SNAP29: variants seen among roughly 807,000 people sequenced by gnomAD.
SNAP29 encodes synaptosome associated protein 29, also known as synaptosomal-associated protein 29.
Under a neutral mutation model 27.9 loss-of-function variants are expected in SNAP29, and 13 were observed. The ratio of observed to expected loss-of-function variants is 0.47; its 90% confidence interval spans 0.30 to 0.74. The LOEUF (loss-of-function observed/expected upper bound fraction) is 0.74, where lower values mean the gene tolerates loss of function less well. Ranked by LOEUF, SNAP29 falls within the 30% of genes least tolerant of loss-of-function variation. The pLI is 0.06. For missense variants in SNAP29, 368 were observed against 336.5 expected, an observed-to-expected ratio of 1.09 and a Z score of -0.73; for synonymous variants, 119 against 127.1, an observed-to-expected ratio of 0.94 and a Z score of 0.43.
At chr22:20,870,144 G>A (rs915044573) in intron 1 of SNAP29, among the ~76,000 whole-genome samples, 193 bp from the exon 2 acceptor site, 2 of 152,102 alleles carry the variant, frequency 1.3e-5, no homozygotes, top group Non-Finnish European at 2.9e-5. Context: ...AGGAAAGCAA[G>A]TAGAGGTAGG....
chr22:20,862,245 C>T (rs1013548136), intron 1 of SNAP29, among the ~76,000 whole-genome samples: 2 of 152,148 alleles, frequency 1.3e-5, no homozygotes, highest in African/African-American at 2.4e-5. Flanking sequence ...ATTCAACTAA[C>T]AACTATTTAA....
chr22:20,885,370 A>G (rs954076957), intron 4 of SNAP29, among the ~76,000 whole-genome samples: 4 of 152,082 alleles, frequency 2.6e-5, no homozygotes, highest in African/African-American at 9.7e-5. Flanking sequence ...GTGTCTGTGC[A>G]CGGGTTTTCT....
At chr22:20,872,717 G>A (rs1156997664) in intron 2 of SNAP29, among the ~76,000 whole-genome samples, 1 of 147,946 alleles carries the variant, frequency 6.8e-6, no homozygotes, top group Non-Finnish European at 1.5e-5. Flanking sequence ...TGTATTTTTA[G>A]TAGAGATGGG....
chr22:20,878,728 G>A (rs559765387), intron 2 of SNAP29, among the ~76,000 whole-genome samples: 19 of 152,316 alleles, frequency 1.2e-4, no homozygotes, highest in African/African-American at 4.6e-4. Context: ...TTCCCAGATT[G>A]GCTGGCGAAG....
chr22:20,871,030 G>T, intron 2 of SNAP29: 1 of 213,248 alleles, frequency 4.7e-6, no homozygotes, highest in South Asian at 7.3e-5. Context: ...TCAGGAGGCT[G>T]AGGTAAGAGG....
rs1295336686 is a variant in SNAP29 at position 20,888,567 on chromosome 22, T to A, written c.*731T>A. 1 of 153,632 alleles carries A rather than the reference T, an allele frequency of 6.5e-6. No homozygotes were observed. The highest frequency in any genetic ancestry group is 1.4e-5 in the Non-Finnish European group (1 of 69,030). The allele number at this position is 153,632 out of a possible 1,614,324, so 9.5% of individuals were successfully genotyped here. On this transcript the variant is annotated 3_prime_UTR_variant, in exon 5 of 5. Transcript: ENST00000215730. ...ATGTGTGGGGAATTGGGTGAGCCCCTCTTCCCCACGTGCTCCCATCTGTAA... is the reference window on the plus strand; with the variant it reads ...ATGTGTGGGGAATTGGGTGAGCCCCACTTCCCCACGTGCTCCCATCTGTAA...
chr22:20,873,812 AC>A (rs1316396879), intron 2 of SNAP29, among the ~76,000 whole-genome samples: 1 of 150,858 alleles, frequency 6.6e-6, no homozygotes, highest in African/African-American at 2.4e-5. Context: ...TCCTAAAAAT[AC>A]AAAAATCAGC....
chr22:20,878,970 G>A (rs1282921607), intron 2 of SNAP29, among the ~76,000 whole-genome samples: 5 of 152,070 alleles, frequency 3.3e-5, no homozygotes, highest in Non-Finnish European at 7.4e-5. Flanking sequence ...TACGTGATGA[G>A]AAAAAAACAT....
At chr22:20,882,721 TAAAG>T (rs1341851534) in intron 3 of SNAP29, among the ~76,000 whole-genome samples, 1 of 152,150 alleles carries the variant, frequency 6.6e-6, no homozygotes, top group East Asian at 1.9e-4. Flanking sequence ...TTTAAGGAAT[TAAAG>T]AGAGTTTTTA....
intron 1 of SNAP29, among the ~76,000 whole-genome samples, chr22:20,861,886 G>A (rs1928330774): frequency 6.6e-6 from 1 of 152,148 alleles, no homozygotes. Context: ...ACCTGCCTTG[G>A]CCTCCCAAAG....
chr22:20,874,214 A>G (rs923414880), intron 2 of SNAP29, among the ~76,000 whole-genome samples: 2 of 144,632 alleles, frequency 1.4e-5, no homozygotes, highest in African/African-American at 2.5e-5. Flanking sequence ...GGCGGAGCTT[A>G]CAGTGAGCTG....
intron 2 of SNAP29, among the ~76,000 whole-genome samples, chr22:20,879,841 T>G (rs2147870363): frequency 8.2e-6 from 1 of 122,056 alleles, no homozygotes; most frequent in African/African-American, 3.3e-5. Flanking sequence ...AGACTCTGTC[T>G]GAAAAAATTT....
chr22:20,875,294 C>T (rs1928711983), intron 2 of SNAP29, among the ~76,000 whole-genome samples: 1 of 152,192 alleles, frequency 6.6e-6, no homozygotes, highest in Non-Finnish European at 1.5e-5. Flanking sequence ...TCCCCAAAGT[C>T]ATGTACCCTG....
At chr22:20,875,697 G>A in intron 2 of SNAP29, among the ~76,000 whole-genome samples, 1 of 152,228 alleles carries the variant, frequency 6.6e-6, no homozygotes, top group Non-Finnish European at 1.5e-5. Flanking sequence ...GCTCATGCCT[G>A]TTATCCCAAC....
Position 20,887,715 on chromosome 22 carries a change from T to C in SNAP29, c.656T>C (p.Ile219Thr). The change falls in exon 5 of 5, where the codon ATA becomes ACA. Residue 219 changes from isoleucine (I) to threonine (T), a missense_variant. Transcript: ENST00000215730. ...ATGGGACTGGGTCGTCTGAAGGACA[T>C]AGCCCTGGGGATGCAGACAGAAATT... ...LSMGLGRLKD[I>T]ALGMQTEIEE... 1 of 1,614,194 alleles carries C rather than the reference T, an allele frequency of 6.2e-7. No homozygotes were observed. The highest frequency in any genetic ancestry group is 8.5e-7 in the Non-Finnish European group (1 of 1,180,042).
intron 4 of SNAP29, among the ~76,000 whole-genome samples, chr22:20,884,331 TAAA>T (rs397868049): frequency 1.3e-4 from 17 of 133,250 alleles, no homozygotes; most frequent in East Asian, 6.6e-4. Flanking sequence ...AAACTCCACC[TAAA>T]AAAAAAAAAA....
At chr22:20,874,326 ACACACACACACACGAAAATTAGC>A in intron 2 of SNAP29, among the ~76,000 whole-genome samples, 3 of 146,780 alleles carry the variant, frequency 2.0e-5, no homozygotes, top group South Asian at 2.2e-4. Flanking sequence ...AGACACACAC[ACACACACACACACGAAAATTAGC>A]CACACACACA....
intron 4 of SNAP29, among the ~76,000 whole-genome samples, chr22:20,887,058 C>T (rs1389623588): frequency 6.6e-6 from 1 of 151,972 alleles, no homozygotes; most frequent in Non-Finnish European, 1.5e-5. Context: ...CCTATCTCTA[C>T]TAAAAATACA....
Position 20,859,009 on chromosome 22 carries a change from T to C in SNAP29, c.-102T>C. The C allele has an allele frequency of 7.4e-7, 1 of 1,355,892 alleles. No individual in the cohort carries two copies. The highest frequency in any genetic ancestry group is 2.6e-5 in the East Asian group (1 of 38,006). 84.0% of individuals were successfully genotyped at this position (1,355,892 alleles called of 1,614,324 possible). A position where few individuals can be genotyped will look rare whatever the true frequency, so the allele number is the denominator to read the frequency against. On this transcript the variant is annotated 5_prime_UTR_variant, in exon 1 of 5. Coordinates refer to ENST00000215730, the MANE Select transcript of SNAP29 (RefSeq NM_004782.4). ...CCTGCGCGCGACGCGCGGAAGGAGT[T>C]CGCGCGACGACCGCGGGGTCGGCGG...
Sources: gnomAD v4.1 joint callset for allele counts (sites outside exome capture counted in the v4.1 genomes callset) on GRCh38, gnomAD v4.1.1 for gene constraint, MANE v1.5 for transcripts, NCBI Gene and HGNC (gene_info 2026-07-23, HGNC 2026-07-21) for gene names.